Variants in CREB5 observed in about 807,000 individuals in gnomAD.
CREB5 encodes cAMP responsive element binding protein 5, also known as cyclic AMP-responsive element-binding protein 5.
Under a neutral mutation model 57.1 loss-of-function variants are expected in CREB5, and 19 were observed. That is an observed-to-expected ratio of 0.33 (90% CI 0.23 to 0.49). The LOEUF is 0.49. CREB5 is among the 20% of genes least tolerant of loss of function. The pLI is 0.99. For synonymous variants in CREB5, 238 were observed against 238.3 expected, an observed-to-expected ratio of 1.00 and a Z score of 0.01; for missense variants, 579 against 671.6, an observed-to-expected ratio of 0.86 and a Z score of 1.52.
intron 4 of CREB5, among the ~76,000 whole-genome samples, chr7:28,508,842 G>A (rs947538055): frequency 6.6e-6 from 1 of 152,074 alleles, no homozygotes; most frequent in East Asian, 1.9e-4. Context: ...GATATGAAGT[G>A]CCTTTTTTCT....
At chr7:28,736,771 C>T (rs887229630) in intron 7 of CREB5, among the ~76,000 whole-genome samples, 6 of 151,638 alleles carry the variant, frequency 4.0e-5, no homozygotes, top group Admixed American at 6.6e-5. Flanking sequence ...GACAATTAGC[C>T]AGCAAATATT....
intron 7 of CREB5, among the ~76,000 whole-genome samples, chr7:28,764,663 C>T (rs1805857895): frequency 6.6e-6 from 1 of 152,204 alleles, no homozygotes; most frequent in African/African-American, 2.4e-5. Flanking sequence ...TGTAAAGCTA[C>T]TATCTCCCTA....
intron 1 of CREB5, among the ~76,000 whole-genome samples, chr7:28,341,728 G>A (rs972565062): frequency 6.6e-6 from 1 of 152,212 alleles, no homozygotes; most frequent in African/African-American, 2.4e-5. Context: ...ATAGTGAATT[G>A]TATGTAGTGG....
intron 1 of CREB5, 39 bp from the exon 2 acceptor site, chr7:28,488,136 A>T: frequency 6.3e-7 from 1 of 1,590,472 alleles, no homozygotes; most frequent in Non-Finnish European, 8.6e-7. Flanking sequence ...ATATTCATGG[A>T]TTTCTTTTTC....
chr7:28,758,671 G>A (rs1297486458), intron 7 of CREB5, among the ~76,000 whole-genome samples: 3 of 152,174 alleles, frequency 2.0e-5, no homozygotes, highest in Non-Finnish European at 2.9e-5. Flanking sequence ...ATTTGAAAAT[G>A]GTTCTTTCAG....
intron 5 of CREB5, among the ~76,000 whole-genome samples, chr7:28,703,287 G>C (rs1583578631): frequency 6.6e-6 from 1 of 152,150 alleles, no homozygotes; most frequent in South Asian, 2.1e-4. Flanking sequence ...GTCTATTTTG[G>C]GGGTGGAGTG....
intron 9 of CREB5, among the ~76,000 whole-genome samples, chr7:28,810,824 C>T (rs528902738): frequency 8.5e-5 from 13 of 152,288 alleles, no homozygotes; most frequent in East Asian, 3.9e-4. Flanking sequence ...TTTGCATATC[C>T]AGTTTCATTA....
chr7:28,785,160 G>A (rs1340286825), intron 7 of CREB5, among the ~76,000 whole-genome samples: 1 of 152,188 alleles, frequency 6.6e-6, no homozygotes, highest in Non-Finnish European at 1.5e-5. Flanking sequence ...TTCATGTGTA[G>A]ACATCATTAG....
rs114975713 is a variant in CREB5 at position 28,545,277 on chromosome 7, C to T, written c.292-25088C>T. Among the ~76,000 whole-genome samples the T allele has an allele frequency of 5.5e-3, 835 of 152,318 alleles. 9 individuals carry two copies. Among genetic ancestry groups the T allele is most frequent in the African/African-American group, 0.019 (795 of 41,560 alleles). On this transcript the variant is annotated intron_variant, in intron 4 of 10. Coordinates refer to ENST00000357727, the MANE Select transcript of CREB5 (RefSeq NM_182898.4). ...TAGAAGGTTTTCCTTTTCCTTTCTA[C>T]TCTTTCCCCTACTTTTGGAAGTTCT...
intron 1 of CREB5, among the ~76,000 whole-genome samples, chr7:28,463,118 T>G (rs1284688264): frequency 1.3e-5 from 2 of 152,192 alleles, no homozygotes; most frequent in Admixed American, 6.5e-5. Flanking sequence ...TATTTTGAAT[T>G]AGGGATCCAC....
intron 7 of CREB5, among the ~76,000 whole-genome samples, chr7:28,790,447 AGAGAGAGAG>A (rs1807607794): frequency 2.3e-5 from 1 of 44,340 alleles, no homozygotes; most frequent in Non-Finnish European, 5.8e-5. Flanking sequence ...AGAGAGAGAG[AGAGAGAGAG>A]AGAGATAGAG....
intron 9 of CREB5, among the ~76,000 whole-genome samples, chr7:28,810,376 G>A (rs922503505): frequency 2.6e-5 from 4 of 152,108 alleles, no homozygotes; most frequent in Admixed American, 1.3e-4. Flanking sequence ...TACATAGTGA[G>A]ACTGCATTTT....
At chr7:28,724,026 A>T (rs1431662301) in intron 6 of CREB5, among the ~76,000 whole-genome samples, 196 bp from the exon 7 acceptor site, 2 of 152,178 alleles carry the variant, frequency 1.3e-5, no homozygotes, top group African/African-American at 2.4e-5. Context: ...GTATAGAAGC[A>T]CGGCTTTGGA....
chr7:28,657,629 A>G (rs1209586086), intron 5 of CREB5, among the ~76,000 whole-genome samples: 1 of 150,808 alleles, frequency 6.6e-6, no homozygotes, highest in Non-Finnish European at 1.5e-5. Context: ...AGGCAGGAGA[A>G]TCACTTGAAC....
Position 28,486,670 on chromosome 7 carries a change from T to TTAAATATATATATATATATATA in CREB5, c.4-1503_4-1502insAATATATATATATATATATATA, listed in dbSNP as rs1554331892. Among the ~76,000 whole-genome samples, 20 of 89,146 alleles carry TTAAATATATATATATATATATA rather than the reference T, an allele frequency of 2.2e-4. 1 individual carries two copies. The highest frequency in any genetic ancestry group is 6.8e-4 in the African/African-American group (16 of 23,464). 58.5% of individuals were successfully genotyped at this position (89,146 alleles called of 152,430 possible). A position where few individuals can be genotyped will look rare whatever the true frequency, so the allele number is the denominator to read the frequency against. On this transcript the variant is annotated intron_variant, in intron 1 of 10. Coordinates refer to ENST00000357727, the MANE Select transcript of CREB5 (RefSeq NM_182898.4). ...AACTAAACGTGTATCTCCTATGATT[T>TTAAATATATATATATATATATA]TATATATATATATATATATATATGT...
At position 28,421,460 on chromosome 7, in the gene CREB5, T is replaced by G. The variant is rs554993630; in HGVS notation, c.3+8543T>G. 4.5e-4 allele frequency among the ~76,000 whole-genome samples: 69 copies of G among 152,240 alleles called. No individual in the cohort carries two copies. The East Asian group carries it at 0.011, about 25-fold the overall frequency. ...TCTTTAATGGTGATTTGTGAGATTT[T>G]GGGGATGCATCCACTTTACTGTCAT... On this transcript the variant is annotated intron_variant, in intron 1 of 10. Transcript: ENST00000357727.
intron 5 of CREB5, among the ~76,000 whole-genome samples, chr7:28,607,071 T>G (rs1289850752): frequency 6.6e-6 from 1 of 152,164 alleles, no homozygotes; most frequent in African/African-American, 2.4e-5. Context: ...GGCTGTAAAT[T>G]TGTATCCTTC....
chr7:28,338,672 A>G (rs12539602), intron 1 of CREB5, among the ~76,000 whole-genome samples: 23,676 of 152,000 alleles, frequency 0.16, 2,124 homozygotes, highest in East Asian at 0.34. Context: ...CCCTAGGTTT[A>G]GGAAGTTCTC....
chr7:28,436,084 C>A (rs1019079323), intron 1 of CREB5, among the ~76,000 whole-genome samples: 13 of 148,234 alleles, frequency 8.8e-5, no homozygotes, highest in Non-Finnish European at 1.8e-4. Context: ...TTTAAAGTGG[C>A]CTTTCACTGG....
Sources: allele counts gnomAD v4.1 joint callset (sites outside exome capture counted in the v4.1 genomes callset), GRCh38; gene constraint gnomAD v4.1.1; transcripts MANE v1.5; gene names NCBI Gene and HGNC (gene_info 2026-07-23, HGNC 2026-07-21).